The following TBC1D22A variants were observed in gnomAD, a reference collection of about 807,000 sequenced individuals.
TBC1D22A encodes the protein TBC1 domain family member 22A, also known as putative GTPase activator.
A neutral mutation model predicts 60.2 loss-of-function variants in TBC1D22A; 38 were observed. The observed-to-expected ratio is 0.63, with a 90% CI of 0.49 to 0.83. The LOEUF (loss-of-function observed/expected upper bound fraction) is 0.83. Among genes scored for constraint, TBC1D22A ranks in the 40% least tolerant of loss-of-function variants. TBC1D22A has a pLI of 0.00. For missense variants in TBC1D22A, 628 were observed against 701.0 expected (o/e 0.90, Z 1.18); for synonymous variants, 302 against 281.7 (o/e 1.07, Z -0.72).
At chr22:47,142,133 G>T (rs2067108695) in intron 12 of TBC1D22A, among the ~76,000 whole-genome samples, 1 of 152,080 alleles carries the variant, frequency 6.6e-6, no homozygotes, top group South Asian at 2.1e-4. Context: ...TAGGAAGATG[G>T]GACCTGTGGA....
chr22:46,864,946 G>T (rs2066981373), intron 4 of TBC1D22A, among the ~76,000 whole-genome samples: 1 of 152,120 alleles, frequency 6.6e-6, no homozygotes, highest in Admixed American at 6.5e-5. Context: ...GCCATTTCTG[G>T]TTGCTATGAG....
intron 12 of TBC1D22A, among the ~76,000 whole-genome samples, chr22:47,136,254 G>A (rs1380383679): frequency 6.6e-6 from 1 of 152,224 alleles, no homozygotes; most frequent in Non-Finnish European, 1.5e-5. Flanking sequence ...GAGCAGTGAG[G>A]GTCCTGGCCC....
intron 11 of TBC1D22A, among the ~76,000 whole-genome samples, chr22:47,069,839 C>T (rs1294287938): frequency 2.2e-5 from 3 of 137,786 alleles, no homozygotes; most frequent in African/African-American, 5.6e-5. Flanking sequence ...TTGGTTGGAG[C>T]GGGGCTGACC....
chr22:47,092,699 C>G (rs1294398331), intron 11 of TBC1D22A, among the ~76,000 whole-genome samples: 1 of 152,210 alleles, frequency 6.6e-6, no homozygotes, highest in Non-Finnish European at 1.5e-5. Flanking sequence ...CACACTTACT[C>G]CTTCTCTGAC....
intron 4 of TBC1D22A, among the ~76,000 whole-genome samples, chr22:46,849,260 G>C (rs760050352): frequency 3.9e-5 from 6 of 152,174 alleles, no homozygotes; most frequent in African/African-American, 1.4e-4. Flanking sequence ...GTCTCCAGAC[G>C]GCAGATTGCT....
chr22:47,022,604 T>A lies in TBC1D22A; in HGVS notation c.1202-14467T>A, dbSNP rs183185746. ...CAAAAACACCAAAGCTCTGCACGGG[T>A]TCCTTTCAGGTATTAAGCTGAATAC... On this transcript the variant is annotated intron_variant, in intron 10 of 12. Coordinates refer to ENST00000337137, the MANE Select transcript of TBC1D22A (RefSeq NM_014346.5). 2.6e-3 allele frequency among the ~76,000 whole-genome samples: 397 copies of A among 150,786 alleles called. 1 individual carries two copies. The highest frequency in any genetic ancestry group is 4.3e-3 in the Non-Finnish European group (295 of 67,852).
At chr22:47,149,204 G>T (rs900299723) in intron 12 of TBC1D22A, among the ~76,000 whole-genome samples, 3 of 152,184 alleles carry the variant, frequency 2.0e-5, no homozygotes, top group African/African-American at 7.2e-5. Flanking sequence ...AGATGTGTCC[G>T]TGACATGTCG....
chr22:47,140,427 C>T (rs372051463), intron 12 of TBC1D22A, among the ~76,000 whole-genome samples: 6 of 151,742 alleles, frequency 4.0e-5, no homozygotes, highest in East Asian at 3.9e-4. Context: ...GGTGTGGTGG[C>T]GGGCACCTGT....
chr22:47,158,369 A>G (rs951991387), intron 12 of TBC1D22A, among the ~76,000 whole-genome samples: 2 of 152,192 alleles, frequency 1.3e-5, no homozygotes, highest in Non-Finnish European at 1.5e-5. Flanking sequence ...TTCGTCTTGG[A>G]TGAGAGTGGA....
chr22:46,823,976 G>A (rs764468970), intron 4 of TBC1D22A, among the ~76,000 whole-genome samples: 42 of 152,340 alleles, frequency 2.8e-4, no homozygotes, highest in South Asian at 6.2e-4. Context: ...GCCAGCCCGG[G>A]TGTGATTTAA....
At chr22:46,943,881 G>A (rs993101061) in intron 8 of TBC1D22A, among the ~76,000 whole-genome samples, 3 of 152,108 alleles carry the variant, frequency 2.0e-5, no homozygotes, top group Non-Finnish European at 4.4e-5. Flanking sequence ...TGTAGCACGC[G>A]TCAGTACTCC....
chr22:46,773,970 T>C, intron 1 of TBC1D22A: 2 of 985,504 alleles, frequency 2.0e-6, no homozygotes, highest in South Asian at 9.4e-5. Flanking sequence ...CCTTATCTCC[T>C]CCATTCCCTA....
chr22:46,793,953 G>GC, intron 3 of TBC1D22A, 112 bp downstream of exon 3: 1 of 1,044,588 alleles, frequency 9.6e-7, no homozygotes, highest in Non-Finnish European at 1.4e-6. Flanking sequence ...TTTGCAGCAG[G>GC]CCCCCTGGCC....
At chr22:47,129,803 A>C (rs1318360554) in intron 12 of TBC1D22A, among the ~76,000 whole-genome samples, 1 of 152,270 alleles carries the variant, frequency 6.6e-6, no homozygotes, top group Non-Finnish European at 1.5e-5. Context: ...GCAGCCCTCC[A>C]TCCCAGCCTC....
intron 7 of TBC1D22A, among the ~76,000 whole-genome samples, chr22:46,904,133 A>G (rs541450241): frequency 6.0e-4 from 44 of 73,510 alleles, no homozygotes; most frequent in African/African-American, 1.4e-3. Flanking sequence ...CTATCTATCT[A>G]TCTATCTATC....
chr22:47,031,309 C>T (rs956754361), intron 10 of TBC1D22A, among the ~76,000 whole-genome samples: 2 of 152,234 alleles, frequency 1.3e-5, no homozygotes, highest in African/African-American at 4.8e-5. Context: ...TGTCTGTTTC[C>T]TACAGGCTGC....
At chr22:47,037,235 C>T in intron 11 of TBC1D22A, 37 bp downstream of exon 11, 1 of 1,607,734 alleles carries the variant, frequency 6.2e-7, no homozygotes, top group African/African-American at 1.3e-5. Context: ...ATGGGGGTGC[C>T]AGGAGCCCGG....
intron 8 of TBC1D22A, among the ~76,000 whole-genome samples, chr22:46,933,961 A>AG (rs1455896920): frequency 6.6e-6 from 1 of 152,182 alleles, no homozygotes; most frequent in African/African-American, 2.4e-5. Flanking sequence ...TTCACACTTG[A>AG]GAAAGCTGGA....
At chr22:47,133,859 C>T (rs572963723) in intron 12 of TBC1D22A, among the ~76,000 whole-genome samples, 10 of 152,232 alleles carry the variant, frequency 6.6e-5, no homozygotes, top group East Asian at 3.9e-4. Context: ...GGCATCCTCG[C>T]GAGCTCCAAA....
Sources: allele counts gnomAD v4.1 joint callset (sites outside exome capture counted in the v4.1 genomes callset), GRCh38; gene constraint gnomAD v4.1.1; transcripts MANE v1.5; gene names NCBI Gene and HGNC (gene_info 2026-07-23, HGNC 2026-07-21).